Variants in CNDP1 observed in about 807,000 individuals in gnomAD.
CNDP1 encodes the protein carnosine dipeptidase 1.
A neutral mutation model predicts 58.1 loss-of-function variants in CNDP1; 44 were observed. The observed-to-expected ratio is 0.76, with a 90% CI of 0.60 to 0.97. The LOEUF (loss-of-function observed/expected upper bound fraction) is 0.97, where lower values mean the gene tolerates loss of function less well. CNDP1 is among the 50% of genes least tolerant of loss of function. The pLI is 0.00. For synonymous variants in CNDP1, 254 were observed against 252.6 expected, an observed-to-expected ratio of 1.01 and a Z score of -0.05; for missense variants, 616 against 655.1, an observed-to-expected ratio of 0.94 and a Z score of 0.65.
Position 74,580,278 on chromosome 18 carries a change from C to T in CNDP1, c.1309+7C>T. On this transcript the variant is annotated splice_region_variant and intron_variant, in intron 10 of 11. Coordinates refer to ENST00000358821, the MANE Select transcript of CNDP1 (RefSeq NM_032649.6). ...AAAAGAGCGATCAGAACAGGTGGGA[C>T]CTTAAGATCTTCTGACTGGCCAATC... The T allele has an allele frequency of 6.2e-7, 1 of 1,613,806 alleles. No individual in the cohort carries two copies. The highest frequency in any genetic ancestry group is 8.5e-7 in the Non-Finnish European group (1 of 1,179,758).
chr18:74,575,085 G>A (rs116892665), intron 7 of CNDP1, among the ~76,000 whole-genome samples: 59 of 146,772 alleles, frequency 4.0e-4, no homozygotes, highest in African/African-American at 6.1e-4. Context: ...GGAAAGAAAG[G>A]AAGGAAGGAA....
At chr18:74,567,491 C>A in intron 6 of CNDP1, 58 bp downstream of exon 6, 2 of 1,390,416 alleles carry the variant, frequency 1.4e-6, no homozygotes, top group Non-Finnish European at 2.0e-6. Flanking sequence ...ATGGGAGCAC[C>A]AATCCATTCT....
chr18:74,565,410 CA>C (rs1249770701), intron 5 of CNDP1, among the ~76,000 whole-genome samples: 2 of 152,186 alleles, frequency 1.3e-5, no homozygotes, highest in African/African-American at 4.8e-5. Flanking sequence ...TCATCTGAGA[CA>C]AGGCAAGTCC....
intron 1 of CNDP1, among the ~76,000 whole-genome samples, chr18:74,540,034 C>T (rs1355796354): frequency 6.6e-6 from 1 of 152,150 alleles, no homozygotes; most frequent in Non-Finnish European, 1.5e-5. Context: ...TTTAGATCAA[C>T]AAATATACAA....
At chr18:74,567,840 C>A (rs919837097) in intron 6 of CNDP1, among the ~76,000 whole-genome samples, 3 of 152,222 alleles carry the variant, frequency 2.0e-5, no homozygotes, top group African/African-American at 7.2e-5. Flanking sequence ...CAGGAGACCC[C>A]AGTGCCGTGG....
intron 4 of CNDP1, chr18:74,561,414 CAAAA>C (rs11447097): frequency 3.1e-5 from 4 of 130,454 alleles, no homozygotes; most frequent in Admixed American, 8.0e-5. Context: ...GAGACTTCAT[CAAAA>C]AAAAAAAAAA....
intron 1 of CNDP1, among the ~76,000 whole-genome samples, chr18:74,535,954 C>A (rs185702301): frequency 2.0e-4 from 31 of 152,160 alleles, no homozygotes; most frequent in African/African-American, 5.5e-4. Context: ...ATGGCTTGAA[C>A]CTGGGAGGTC....
At chr18:74,539,665 G>A (rs1980568620) in intron 1 of CNDP1, among the ~76,000 whole-genome samples, 1 of 152,246 alleles carries the variant, frequency 6.6e-6, no homozygotes, top group Non-Finnish European at 1.5e-5. Context: ...GTTATTGCAA[G>A]CGCGGTGGCC....
chr18:74,576,824 C>T (rs774931455), intron 7 of CNDP1, 45 bp from the exon 8 acceptor site: 1 of 1,558,350 alleles, frequency 6.4e-7, no homozygotes, highest in South Asian at 1.2e-5. Flanking sequence ...ACAACATTGG[C>T]ACACTCCTTT....
At chr18:74,580,687 C>T (rs1439980754) in intron 10 of CNDP1, among the ~76,000 whole-genome samples, 1 of 152,108 alleles carries the variant, frequency 6.6e-6, no homozygotes, top group East Asian at 1.9e-4. Context: ...CACAGATTAG[C>T]CCAGGTGTGA....
intron 5 of CNDP1, among the ~76,000 whole-genome samples, chr18:74,565,338 CA>C (rs1981300378): frequency 6.6e-6 from 1 of 152,142 alleles, no homozygotes; most frequent in Non-Finnish European, 1.5e-5. Context: ...CATAATTTCC[CA>C]ATAGTCCCCC....
At chr18:74,566,543 G>C (rs982855359) in intron 5 of CNDP1, among the ~76,000 whole-genome samples, 3 of 152,178 alleles carry the variant, frequency 2.0e-5, no homozygotes. Flanking sequence ...AATCTCTGGG[G>C]CAGGGGCAAA....
chr18:74,561,196 T>G (rs1022089101), intron 4 of CNDP1, among the ~76,000 whole-genome samples, 178 bp downstream of exon 4: 3 of 151,968 alleles, frequency 2.0e-5, no homozygotes, highest in African/African-American at 7.2e-5. Context: ...GGGTGGATCA[T>G]TTGAGATCAG....
intron 6 of CNDP1, among the ~76,000 whole-genome samples, chr18:74,569,697 T>C (rs910241873): frequency 7.2e-5 from 11 of 152,150 alleles, no homozygotes. Flanking sequence ...ATAAAAGCCA[T>C]GGGCTCCATG....
At chr18:74,579,571 T>C (rs1202837799) in intron 9 of CNDP1, among the ~76,000 whole-genome samples, 1 of 152,046 alleles carries the variant, frequency 6.6e-6, no homozygotes, top group Non-Finnish European at 1.5e-5. Context: ...AATTTGAATA[T>C]GGCACCTCCC....
Position 74,560,999 on chromosome 18 carries a change from T to C in CNDP1, c.447T>C (p.Tyr149=), listed in dbSNP as rs767698460. The C allele has an allele frequency of 2.6e-5, 42 of 1,613,546 alleles. No individual in the cohort carries two copies. Among genetic ancestry groups the C allele is most frequent in the Non-Finnish European group, 3.5e-5 (41 of 1,179,720 alleles). Residue 149 remains tyrosine, a synonymous_variant, in exon 4 of 12, where the codon TAT becomes TAC. Transcript: ENST00000358821. ...DRGDGWLTDP[Y]VLTEVDGKLY... The stretch of plus-strand genomic sequence containing the variant: ...GCGATGGGTGGCTCACGGACCCCTA[T>C]GTGCTGACGGAGGTAGACGGTCAGT...
intron 1 of CNDP1, 81 bp from the exon 2 acceptor site, chr18:74,556,257 C>A: frequency 1.3e-6 from 2 of 1,507,440 alleles, no homozygotes; most frequent in Non-Finnish European, 9.0e-7. Flanking sequence ...GGTAACAGAC[C>A]TTCTTGAGGA....
chr18:74,559,468 A>G lies in CNDP1; in HGVS notation c.299A>G (p.Gln100Arg). 1.9e-6 allele frequency: 3 copies of G among 1,607,052 alleles called. No homozygotes were observed. The highest frequency in any genetic ancestry group is 2.5e-6 in the Non-Finnish European group (3 of 1,179,634). The change falls in exon 3 of 12, where the codon CAG becomes CGG. Residue 100 changes from glutamine to arginine, a missense_variant. Coordinates refer to ENST00000358821, the MANE Select transcript of CNDP1 (RefSeq NM_032649.6). The part of the protein sequence containing the change: ...ARVASVDMGP[Q>R]QLPDGQSLPI... ...GTGGCCTCGGTGGACATGGGTCCTC[A>G]GCAGGTGCTGTACGATTCCCTCCCA...
At chr18:74,546,350 C>T (rs534297751) in intron 1 of CNDP1, among the ~76,000 whole-genome samples, 2 of 152,292 alleles carry the variant, frequency 1.3e-5, no homozygotes, top group South Asian at 4.1e-4. Context: ...TTTCTCTTCC[C>T]CACCGCCTAC....
Sources: gnomAD v4.1 joint callset for allele counts (sites outside exome capture counted in the v4.1 genomes callset) on GRCh38, gnomAD v4.1.1 for gene constraint, MANE v1.5 for transcripts, NCBI Gene and HGNC (gene_info 2026-07-23, HGNC 2026-07-21) for gene names.